The following CARF variants were observed in gnomAD, a reference collection of about 807,000 sequenced individuals.
CARF encodes calcium responsive transcription factor, also known as calcium-responsive transcription factor.
A neutral mutation model predicts 82.0 loss-of-function variants in CARF; 57 were observed. The observed-to-expected ratio is 0.70, with a 90% CI of 0.56 to 0.87. CARF has a LOEUF of 0.87. Ranked by LOEUF, CARF falls within the 40% of genes least tolerant of loss-of-function variation. CARF has a pLI of 0.00. For missense variants in CARF, 771 were observed against 855.8 expected (o/e 0.90, Z 1.24); for synonymous variants, 268 against 290.1 (o/e 0.92, Z 0.77).
intron 3 of CARF, among the ~76,000 whole-genome samples, chr2:202,933,610 A>G (rs952444774): frequency 6.6e-6 from 1 of 151,832 alleles, no homozygotes; most frequent in Non-Finnish European, 1.5e-5. Flanking sequence ...GCTTCCTTCC[A>G]TTCTCTATGT....
intron 5 of CARF, among the ~76,000 whole-genome samples, chr2:202,944,913 C>T (rs1051565788): frequency 1.3e-5 from 2 of 151,854 alleles, no homozygotes; most frequent in African/African-American, 2.4e-5. Flanking sequence ...AATTAACACT[C>T]TTTGTAATTG....
intron 6 of CARF, among the ~76,000 whole-genome samples, chr2:202,953,591 A>C (rs1371911187): frequency 7.5e-6 from 1 of 133,894 alleles, no homozygotes; most frequent in Non-Finnish European, 1.5e-5. Flanking sequence ...GCTTCTTCAT[A>C]GCTAATGGTT....
At chr2:202,946,742 A>G (rs932696459) in intron 5 of CARF, among the ~76,000 whole-genome samples, 1 of 152,196 alleles carries the variant, frequency 6.6e-6, no homozygotes, top group Non-Finnish European at 1.5e-5. Context: ...CAAGCTATCT[A>G]TCTGACAAAG....
chr2:202,937,380 A>G (rs1559207647), intron 3 of CARF, among the ~76,000 whole-genome samples: 1 of 152,098 alleles, frequency 6.6e-6, no homozygotes, highest in Non-Finnish European at 1.5e-5. Context: ...AGATTTTTAT[A>G]GAGTTGTAAT....
At position 202,961,400 on chromosome 2, in the gene CARF, A is replaced by G. The variant is rs1008660904; in HGVS notation, c.806A>G (p.Tyr269Cys). The G allele has an allele frequency of 1.2e-6, 2 of 1,614,048 alleles. No homozygotes were observed. Among genetic ancestry groups the G allele is most frequent in the African/African-American group, 1.3e-5 (1 of 74,934 alleles). The stretch of plus-strand genomic sequence containing the variant: ...ATGTGGAAATCCCAGTATGTTCCAT[A>G]TGATGGAATCCCATTTGTTAATGCA... ...RLMWKSQYVP[Y>C]DGIPFVNAGS... Residue 269 changes from tyrosine to cysteine, a missense_variant, in exon 9 of 17, where the codon TAT (tyrosine) becomes TGT (cysteine). By Grantham distance (194) the Tyr-to-Cys change is radical. Coordinates refer to ENST00000438828, the MANE Select transcript of CARF (RefSeq NM_024744.17).
rs1574422339 is a variant in CARF at position 202,912,921 on chromosome 2, C to T, written c.-511C>T. The T allele has an allele frequency of 6.6e-6, 1 of 152,396 alleles. No homozygotes were observed. Among genetic ancestry groups the T allele is most frequent in the Admixed American group, 6.5e-5 (1 of 15,300 alleles). 9.4% of individuals were successfully genotyped at this position (152,396 alleles called of 1,614,324 possible). The stretch of plus-strand genomic sequence containing the variant: ...TTTTGCCTTTTTTGTCTTGAAGTTA[C>T]CCAAAGGCCTGTGTATTGTTCTCAA... On this transcript the variant is annotated 5_prime_UTR_variant, in exon 1 of 17. Coordinates refer to ENST00000438828, the MANE Select transcript of CARF (RefSeq NM_024744.17).
chr2:202,942,718 AT>A (rs748533903), intron 4 of CARF, 21 bp from the exon 5 acceptor site: 2,173 of 1,395,070 alleles, frequency 1.6e-3, no homozygotes, highest in South Asian at 4.5e-3. Context: ...GACTGAAGTG[AT>A]TTTTTTTTTC....
rs2060478193 is a variant in CARF, at chr2:202,987,181, C to G, written c.*3557C>G. ...CATATATGCATTTAATACCCTGCAA[C>G]TCAGCCAAGCATCAACATTTTAAAA... is the stretch of plus-strand genomic sequence containing the variant. On this transcript the variant is annotated 3_prime_UTR_variant, in exon 17 of 17. Transcript: ENST00000438828. 1 of 151,728 alleles carries G rather than the reference C, an allele frequency of 6.6e-6. No individual in the cohort carries two copies. The highest frequency in any genetic ancestry group is 6.6e-5 in the Admixed American group (1 of 15,160). The allele number at this position is 151,728 out of a possible 1,614,324, so 9.4% of individuals were successfully genotyped here.
intron 3 of CARF, among the ~76,000 whole-genome samples, chr2:202,927,155 C>T (rs1272968738): frequency 6.6e-6 from 1 of 152,026 alleles, no homozygotes; most frequent in African/African-American, 2.4e-5. Flanking sequence ...GGAGGCCTGT[C>T]CTTCCCTTTC....
intron 2 of CARF, among the ~76,000 whole-genome samples, chr2:202,919,041 G>A (rs1690291729): frequency 1.3e-5 from 2 of 152,100 alleles, no homozygotes; most frequent in Non-Finnish European, 2.9e-5. Context: ...CTTAACTAGT[G>A]TACTTACCTA....
Position 202,912,551 on chromosome 2 carries a change from C to T in CARF, c.-881C>T, listed in dbSNP as rs1349189819. The T allele has an allele frequency of 2.6e-5, 4 of 151,540 alleles. No individual in the cohort carries two copies. The highest frequency in any genetic ancestry group is 7.3e-5 in the African/African-American group (3 of 41,302). The allele number at this position is 151,540 out of a possible 1,614,324, so 9.4% of individuals were successfully genotyped here. A position where few individuals can be genotyped will look rare whatever the true frequency, so the allele number is the denominator to read the frequency against. On this transcript the variant is annotated 5_prime_UTR_variant, in exon 1 of 17. Transcript: ENST00000438828. Reference sequence around the variant, plus strand: ...CTCCGAGCAACTGCCGGCCTCCGCCCCCAGCCGCAGCCGGTCACTGGCGGC... The same window carrying T: ...CTCCGAGCAACTGCCGGCCTCCGCCTCCAGCCGCAGCCGGTCACTGGCGGC...
At chr2:202,928,175 T>G (rs556556012) in intron 3 of CARF, among the ~76,000 whole-genome samples, 35 of 152,310 alleles carry the variant, frequency 2.3e-4, no homozygotes, top group African/African-American at 7.7e-4. Context: ...TACTCCCTAC[T>G]TCTATGAAAT....
chr2:202,921,036 C>G (rs994642386), intron 2 of CARF, among the ~76,000 whole-genome samples: 1 of 152,206 alleles, frequency 6.6e-6, no homozygotes, highest in African/African-American at 2.4e-5. Flanking sequence ...GAGTCTCACT[C>G]TGTCGCCCAG....
rs750044578 is a variant in CARF at position 202,961,317 on chromosome 2, A to G, written c.723A>G (p.Thr241=). The change falls in exon 9 of 17, where the codon ACA becomes ACG. Residue 241 remains threonine, a synonymous_variant. Transcript: ENST00000438828. The part of the protein sequence containing the change: ...ESVLTFHKQQ[T]QSVWGTRQSP... ...TCCTAACATTTCACAAGCAGCAAAC[A>G]CAGAGTGTTTGGGGGACCCGTCAGT... 5.6e-6 allele frequency: 9 copies of G among 1,614,114 alleles called. No individual in the cohort carries two copies. Among genetic ancestry groups the G allele is most frequent in the Non-Finnish European group, 7.6e-6 (9 of 1,180,044 alleles).
intron 3 of CARF, among the ~76,000 whole-genome samples, chr2:202,927,764 A>G (rs1373616280): frequency 1.3e-5 from 2 of 151,572 alleles, no homozygotes; most frequent in East Asian, 1.9e-4. Context: ...CTATAGTGCT[A>G]TAGAACACTA....
At chr2:202,923,740 C>T (rs1691282159) in intron 2 of CARF, among the ~76,000 whole-genome samples, 1 of 152,166 alleles carries the variant, frequency 6.6e-6, no homozygotes. Flanking sequence ...TAAGGCTGTA[C>T]TCACCAAAAC....
intron 11 of CARF, among the ~76,000 whole-genome samples, chr2:202,971,067 C>T (rs62183744): frequency 0.027 from 4,166 of 151,754 alleles, 86 homozygotes; most frequent in Middle Eastern, 0.054. Flanking sequence ...TAATTTGGGA[C>T]GAATGTTTGA....
intron 14 of CARF, among the ~76,000 whole-genome samples, chr2:202,980,045 C>T (rs781174607): frequency 6.6e-6 from 1 of 152,162 alleles, no homozygotes; most frequent in African/African-American, 2.4e-5. Flanking sequence ...GTATCCTCTG[C>T]CTCCTGGGCT....
At chr2:202,935,338 ATATATT>A (rs1018819247) in intron 3 of CARF, among the ~76,000 whole-genome samples, 4 of 145,976 alleles carry the variant, frequency 2.7e-5, no homozygotes, top group African/African-American at 5.0e-5. Flanking sequence ...ATATATATAT[ATATATT>A]AGTAGAATAG....
Sources: gnomAD v4.1 joint callset for allele counts (sites outside exome capture counted in the v4.1 genomes callset) on GRCh38, gnomAD v4.1.1 for gene constraint, MANE v1.5 for transcripts, NCBI Gene and HGNC (gene_info 2026-07-23, HGNC 2026-07-21) for gene names.